Variants in HHIPL1 observed in about 807,000 individuals in gnomAD.
The protein encoded by HHIPL1 is HHIP-like protein 1.
In HHIPL1, 43 loss-of-function variants were observed where a neutral mutation model predicts 61.8. That is an observed-to-expected ratio of 0.70 (90% CI 0.55 to 0.90). HHIPL1 has a LOEUF of 0.90. Among genes scored for constraint, HHIPL1 ranks in the 40% least tolerant of loss-of-function variants. HHIPL1 has a pLI of 0.00. For missense variants in HHIPL1, 1,056 were observed against 1,157.7 expected (o/e 0.91, Z 1.28); for synonymous variants, 482 against 515.8 (o/e 0.93, Z 0.89).
At chr14:99,644,495 C>A (rs535127227), upstream of HHIPL1, among the ~76,000 whole-genome samples, 64 of 152,040 alleles carry the variant, frequency 4.2e-4, 1 homozygote, top group South Asian at 6.2e-4. Flanking sequence ...GTCTGAATCT[C>A]CAGCGGGGGC....
rs2056139796 is a variant in HHIPL1 at position 99,660,853 on chromosome 14, C to G, written c.1502+447C>G. Among the ~76,000 whole-genome samples the G allele has an allele frequency of 6.6e-6, 1 of 152,196 alleles. No individual in the cohort carries two copies. The highest frequency in any genetic ancestry group is 1.5e-5 in the Non-Finnish European group (1 of 68,030). On this transcript the variant is annotated intron_variant, in intron 5 of 8. Transcript: ENST00000330710. This position sits in a 1 kb window ranked among gnomAD's most constrained non-coding sequence, Gnocchi z 4.9. ...CCTGGAGCCCTGCCCCACCCCACCC[C>G]AGCCAGGACTGCAGGGAGCTTGCAA...
upstream of HHIPL1, among the ~76,000 whole-genome samples, chr14:99,640,283 AT>A (rs1373594992): frequency 1.3e-5 from 2 of 152,002 alleles, no homozygotes; most frequent in Non-Finnish European, 2.9e-5. Flanking sequence ...AAACTTTAAA[AT>A]TTTTATTTAT....
the HHIPL1 span, among the ~76,000 whole-genome samples, chr14:99,615,415 A>G: frequency 6.6e-6 from 1 of 151,994 alleles, no homozygotes; most frequent in African/African-American, 2.4e-5. Flanking sequence ...TTGGTGGTGC[A>G]TGCCTGTGCT....
intron 1 of HHIPL1, among the ~76,000 whole-genome samples, chr14:99,650,586 G>A (rs1039168735): frequency 3.9e-5 from 6 of 152,214 alleles, no homozygotes; most frequent in East Asian, 3.9e-4. Context: ...CTGAGCAGAC[G>A]TGGCTCAAAC....
At chr14:99,638,788 G>A in the HHIPL1 span, among the ~76,000 whole-genome samples, 8 of 152,200 alleles carry the variant, frequency 5.3e-5, no homozygotes, top group African/African-American at 1.7e-4. Flanking sequence ...CCTGGCTTCC[G>A]AAGCTGCATT....
At chr14:99,666,821 A>G (rs11160536) in intron 6 of HHIPL1, among the ~76,000 whole-genome samples, 148,508 of 152,310 alleles carry the variant, frequency 0.98, 72,520 homozygotes, top group East Asian at 1. Flanking sequence ...CCCCAGTGGG[A>G]CTGGTGCCCC....
intron 8 of HHIPL1, 59 bp downstream of exon 8, chr14:99,672,458 GC>G: frequency 7.0e-7 from 1 of 1,427,398 alleles, no homozygotes; most frequent in Non-Finnish European, 9.7e-7. Flanking sequence ...GCCCACAACG[GC>G]TGCCTTTCCA....
chr14:99,675,246 C>T lies in HHIPL1; in HGVS notation c.1969C>T (p.Arg657Trp), dbSNP rs1462458026. Reference protein sequence around the residue: ...QPGSRRGGGRRRGRLNSASRA... With the variant: ...QPGSRRGGGRWRGRLNSASRA... The stretch of plus-strand genomic sequence containing the variant: ...AGGGAGCCGGAGGGGCGGCGGGCGG[C>T]GGCGGGGGCGGCTGAACTCGGCGAG... The change falls in exon 9 of 9, where the codon CGG (arginine) becomes TGG (tryptophan). Residue 657 changes from arginine to tryptophan, a missense_variant. By Grantham distance (101) the Arg-to-Trp change is moderately radical (BLOSUM62 -3). Coordinates refer to ENST00000330710, the MANE Select transcript of HHIPL1 (RefSeq NM_001127258.3). This position sits in a 1 kb window ranked among gnomAD's most constrained non-coding sequence, Gnocchi z 5.4. 7 of 1,223,584 alleles carry T rather than the reference C, an allele frequency of 5.7e-6. No individual in the cohort carries two copies. The highest frequency in any genetic ancestry group is 6.6e-5 in the East Asian group (2 of 30,200). The allele number at this position is 1,223,584 out of a possible 1,614,324, so 75.8% of individuals were successfully genotyped here.
the HHIPL1 span, among the ~76,000 whole-genome samples, chr14:99,624,079 C>A: frequency 6.6e-6 from 1 of 152,246 alleles, no homozygotes; most frequent in African/African-American, 2.4e-5. Context: ...GACAGGGGAG[C>A]TACTCATCCC....
the HHIPL1 span, among the ~76,000 whole-genome samples, chr14:99,610,873 A>G: frequency 6.6e-6 from 1 of 152,078 alleles, no homozygotes; most frequent in Non-Finnish European, 1.5e-5. Flanking sequence ...ATGTAGCTGT[A>G]GTTCATTCAT....
Position 99,675,240 on chromosome 14 carries a change from GGGC to G in HHIPL1, c.1972_1974del (p.Arg658del). On this transcript the variant is annotated inframe_deletion, in exon 9 of 9. Coordinates refer to ENST00000330710, the MANE Select transcript of HHIPL1 (RefSeq NM_001127258.3). The surrounding 1 kb of genome is among the most constrained non-coding windows in gnomAD (Gnocchi z 5.4). ...GCAGCCAGGGAGCCGGAGGGGCGGC[GGGC>G]GGCGGCGGGGGCGGCTGAACTCGGC... is the stretch of plus-strand genomic sequence containing the variant. 8.2e-7 allele frequency: 1 copy of G among 1,217,206 alleles called. No individual in the cohort carries two copies. The allele number at this position is 1,217,206 out of a possible 1,614,324, so 75.4% of individuals were successfully genotyped here.
chr14:99,619,644 G>C, the HHIPL1 span, among the ~76,000 whole-genome samples: 1 of 152,106 alleles, frequency 6.6e-6, no homozygotes, highest in East Asian at 1.9e-4. Flanking sequence ...GCCAGTGTCA[G>C]AGTAGGGATC....
At chr14:99,636,275 GGTGGAGTTCT>G in the HHIPL1 span, among the ~76,000 whole-genome samples, 2 of 151,918 alleles carry the variant, frequency 1.3e-5, no homozygotes, top group Non-Finnish European at 2.9e-5. Context: ...GAGACCTGGG[GGTGGAGTTCT>G]GTTGGCACAT....
chr14:99,608,205 T>G, the HHIPL1 span, among the ~76,000 whole-genome samples: 4 of 151,728 alleles, frequency 2.6e-5, no homozygotes, highest in East Asian at 1.9e-4. Context: ...CGGGAAGAGG[T>G]TGAGCGATGG....
chr14:99,633,670 T>C, the HHIPL1 span, among the ~76,000 whole-genome samples: 1 of 152,170 alleles, frequency 6.6e-6, no homozygotes, highest in Non-Finnish European at 1.5e-5. Context: ...TTACTAAATC[T>C]GGGGCTATCA....
rs1219322097 is a variant in HHIPL1 at position 99,652,435 on chromosome 14, A to G, written c.467A>G (p.Tyr156Cys). ...TACCTGTCCCTGGATGACACGGACT[A>G]CTGCTTCCCTTACCTGCTGGTCAAC... The part of the protein sequence containing the change: ...CRYLSLDDTD[Y>C]CFPYLLVNKN... Residue 156 changes from tyrosine to cysteine, a missense_variant, in exon 2 of 9, where the codon TAC becomes TGC. Coordinates refer to ENST00000330710, the MANE Select transcript of HHIPL1 (RefSeq NM_001127258.3). The G allele has an allele frequency of 6.2e-7, 1 of 1,614,062 alleles. No individual in the cohort carries two copies. Among genetic ancestry groups the G allele is most frequent in the African/African-American group, 1.3e-5 (1 of 74,932 alleles).
chr14:99,607,065 A>G, the HHIPL1 span, among the ~76,000 whole-genome samples: 3 of 108,456 alleles, frequency 2.8e-5, no homozygotes, highest in Admixed American at 2.9e-4. Context: ...ACAGGGTCTC[A>G]CTCTGTCTCC....
chr14:99,656,827 GAAAGAAAGA>G (rs1566809808), intron 2 of HHIPL1, among the ~76,000 whole-genome samples, 164 bp from the exon 3 acceptor site: 18 of 4,016 alleles, frequency 4.5e-3, no homozygotes, highest in South Asian at 0.02. Context: ...AAGAAAGAAA[GAAAGAAAGA>G]AAGGAAGGAA....
chr14:99,666,004 A>C (rs2056239454), intron 6 of HHIPL1, among the ~76,000 whole-genome samples: 1 of 151,888 alleles, frequency 6.6e-6, no homozygotes, highest in South Asian at 2.1e-4. Flanking sequence ...CTGCTCTCAA[A>C]CTGCTGACCT....
Sources: gnomAD v4.1 joint callset for allele counts (sites outside exome capture counted in the v4.1 genomes callset) on GRCh38, gnomAD v4.1.1 for gene constraint, Gnocchi (gnomAD v3.1) non-coding constraint, MANE v1.5 for transcripts, NCBI Gene and HGNC (gene_info 2026-07-23, HGNC 2026-07-21) for gene names.